Variants in TMEM132D observed in about 807,000 individuals in gnomAD.
The protein encoded by TMEM132D is mature OL transmembrane protein.
Under a neutral mutation model 62.3 loss-of-function variants are expected in TMEM132D, and 21 were observed. That is an observed-to-expected ratio of 0.34 (90% CI 0.24 to 0.49). TMEM132D has a LOEUF of 0.49. Among genes scored for constraint, TMEM132D ranks in the 20% least tolerant of loss-of-function variants. The pLI is 0.99. For missense variants in TMEM132D, 1,346 were observed against 1,402.8 expected (o/e 0.96, Z 0.65); for synonymous variants, 621 against 575.6 (o/e 1.08, Z -1.13).
At chr12:129,168,895 G>T (rs1192665441) in intron 5 of TMEM132D, among the ~76,000 whole-genome samples, 1 of 152,124 alleles carries the variant, frequency 6.6e-6, no homozygotes, top group Non-Finnish European at 1.5e-5. Context: ...ACCATTTAAA[G>T]AAACAAAACC....
At position 129,548,671 on chromosome 12, in the gene TMEM132D, C is replaced by T. The variant is rs145724287; in HGVS notation, c.969-17466G>A. Among the ~76,000 whole-genome samples, 151 of 151,990 alleles carry T rather than the reference C, an allele frequency of 9.9e-4. 1 individual carries two copies. The highest frequency in any genetic ancestry group is 3.4e-3 in the African/African-American group (139 of 41,436). On this transcript the variant is annotated intron_variant, in intron 2 of 8. Coordinates refer to ENST00000422113, the MANE Select transcript of TMEM132D (RefSeq NM_133448.3). The stretch of plus-strand genomic sequence containing the variant: ...AGCTCCCACCTGAATTTGACACATG[C>T]CTCTTCGGCTCACACTTCACATGTG...
chr12:129,543,343 C>T (rs1009481079), intron 2 of TMEM132D, among the ~76,000 whole-genome samples: 7 of 128,018 alleles, frequency 5.5e-5, no homozygotes, highest in Non-Finnish European at 8.2e-5. Flanking sequence ...GATGAGTGGG[C>T]GGGTGGATGA....
chr12:129,471,639 G>A (rs1874096115), intron 3 of TMEM132D, among the ~76,000 whole-genome samples: 1 of 152,162 alleles, frequency 6.6e-6, no homozygotes, highest in South Asian at 2.1e-4. Context: ...AACTAGAAAT[G>A]ATTAACCTTC....
chr12:129,566,785 A>G (rs773982465), intron 2 of TMEM132D, among the ~76,000 whole-genome samples: 3 of 152,172 alleles, frequency 2.0e-5, no homozygotes, highest in Non-Finnish European at 4.4e-5. Context: ...CTATTTACCT[A>G]AGCCTCTAGG....
intron 3 of TMEM132D, among the ~76,000 whole-genome samples, chr12:129,411,713 C>A (rs762685120): frequency 1.3e-5 from 2 of 152,146 alleles, no homozygotes; most frequent in Non-Finnish European, 2.9e-5. Flanking sequence ...TGAGCCATAA[C>A]CTTCTCTGAG....
At chr12:129,263,582 C>T (rs1261393001) in intron 4 of TMEM132D, among the ~76,000 whole-genome samples, 1 of 151,890 alleles carries the variant, frequency 6.6e-6, no homozygotes, top group African/African-American at 2.4e-5. Context: ...TCAGGAGGAC[C>T]TTAAAGATTA....
chr12:129,754,424 C>A (rs1333775582), intron 1 of TMEM132D, among the ~76,000 whole-genome samples: 1 of 152,112 alleles, frequency 6.6e-6, no homozygotes, highest in Non-Finnish European at 1.5e-5. Flanking sequence ...TCTCATGACC[C>A]CAAGGAAGAA....
At chr12:129,217,946 G>A (rs1449968468) in intron 4 of TMEM132D, among the ~76,000 whole-genome samples, 1 of 152,116 alleles carries the variant, frequency 6.6e-6, no homozygotes, top group East Asian at 1.9e-4. Flanking sequence ...GAAGCTTGGT[G>A]GGGGCACAAT....
At chr12:129,621,701 T>C (rs1879073975) in intron 2 of TMEM132D, among the ~76,000 whole-genome samples, 1 of 152,166 alleles carries the variant, frequency 6.6e-6, no homozygotes, top group African/African-American at 2.4e-5. Context: ...CCTGGTCAAT[T>C]AACACACTAC....
intron 7 of TMEM132D, 63 bp downstream of exon 7, chr12:129,081,696 A>G (rs1272279392): frequency 8.6e-6 from 13 of 1,519,816 alleles, no homozygotes; most frequent in Non-Finnish European, 7.9e-6. Context: ...TTTCTCCTCT[A>G]GGTAGAGCAG....
rs74586539 is a variant in TMEM132D at position 129,700,723 on chromosome 12, G to A, written c.80-25C>T. 0.013 allele frequency: 20,930 copies of A among 1,576,858 alleles called. 1,071 individuals are homozygous for A. In the East Asian group the frequency reaches 0.13, roughly 10 times the overall value. ...ACTGTGGGGAGGGAATCGCAGTGCA[G>A]GCGTTAGTAATGCTAAGGTCCTGTT... On this transcript the variant is annotated intron_variant, in intron 1 of 8. Transcript: ENST00000422113.
chr12:129,830,087 C>G (rs1381606817), intron 1 of TMEM132D, among the ~76,000 whole-genome samples: 2 of 152,170 alleles, frequency 1.3e-5, no homozygotes, highest in African/African-American at 4.8e-5. Context: ...TGCATTTGCA[C>G]CCACACCTGC....
chr12:129,802,437 T>A (rs1445387123), intron 1 of TMEM132D, among the ~76,000 whole-genome samples: 1 of 91,054 alleles, frequency 1.1e-5, no homozygotes, highest in African/African-American at 4.1e-5. Flanking sequence ...CCAGCCAAAC[T>A]AAGCTTCATA....
intron 5 of TMEM132D, among the ~76,000 whole-genome samples, chr12:129,189,036 C>A (rs1215340075): frequency 6.6e-6 from 1 of 151,534 alleles, no homozygotes; most frequent in East Asian, 1.9e-4. Context: ...TACTGGTCAA[C>A]AAGGTCAACA....
At chr12:129,385,455 G>A (rs1593359686) in intron 3 of TMEM132D, among the ~76,000 whole-genome samples, 1 of 152,070 alleles carries the variant, frequency 6.6e-6, no homozygotes. Flanking sequence ...AGGACACTTA[G>A]AGGAAAAGAC....
chr12:129,878,579 G>GT (rs1189296038), intron 1 of TMEM132D, among the ~76,000 whole-genome samples: 4 of 72,580 alleles, frequency 5.5e-5, no homozygotes, highest in Admixed American at 5.3e-4. Context: ...GCTGCAGATT[G>GT]CTTTTTTTTT....
intron 3 of TMEM132D, among the ~76,000 whole-genome samples, chr12:129,397,520 T>C (rs1459754649): frequency 6.6e-6 from 1 of 152,148 alleles, no homozygotes; most frequent in Non-Finnish European, 1.5e-5. Flanking sequence ...ATTTTCTCTT[T>C]TGGGTCCAGA....
At chr12:129,838,416 TTGTC>T (rs1470951608) in intron 1 of TMEM132D, among the ~76,000 whole-genome samples, 2 of 152,208 alleles carry the variant, frequency 1.3e-5, no homozygotes, top group Non-Finnish European at 2.9e-5. Flanking sequence ...TTATAAAACT[TTGTC>T]TGTCAGAGCG....
chr12:129,198,210 C>G (rs1878600424), intron 5 of TMEM132D, among the ~76,000 whole-genome samples: 1 of 152,052 alleles, frequency 6.6e-6, no homozygotes, highest in Non-Finnish European at 1.5e-5. Flanking sequence ...GAAAAGGGAA[C>G]TTTTGTACAC....
Sources: allele counts gnomAD v4.1 joint callset (sites outside exome capture counted in the v4.1 genomes callset), GRCh38; gene constraint gnomAD v4.1.1; transcripts MANE v1.5; gene names NCBI Gene and HGNC (gene_info 2026-07-23, HGNC 2026-07-21).